The following EYS variants were observed in gnomAD, a reference collection of about 807,000 sequenced individuals.
The protein encoded by EYS is EGF-like photoreceptor maintenance factor, also known as protein eyes shut homolog.
In EYS, 250 loss-of-function variants were observed where a neutral mutation model predicts 282.1. The ratio of observed to expected loss-of-function variants is 0.89; its 90% CI spans 0.80 to 0.98. The LOEUF is 0.98. Among genes scored for constraint, EYS ranks in the 50% least tolerant of loss-of-function variants. The pLI is 0.00. For synonymous variants in EYS, 1,355 were observed against 1,282.9 expected (o/e 1.06, Z -1.20); for missense variants, 4,016 against 3,709.0 (o/e 1.08, Z -2.15).
At chr6:64,834,045 A>G (rs1393543318) in intron 19 of EYS, among the ~76,000 whole-genome samples, 1 of 151,890 alleles carries the variant, frequency 6.6e-6, no homozygotes, top group Non-Finnish European at 1.5e-5. Flanking sequence ...AGGCACAGAC[A>G]CATTCTGACA....
chr6:64,397,939 A>G (rs1773429222), intron 28 of EYS, among the ~76,000 whole-genome samples: 1 of 151,922 alleles, frequency 6.6e-6, no homozygotes, highest in Admixed American at 6.6e-5. Flanking sequence ...ATATTTTCTA[A>G]TTTCCTTTGT....
intron 35 of EYS, among the ~76,000 whole-genome samples, chr6:63,981,784 T>A (rs1352791103): frequency 1.3e-5 from 2 of 151,842 alleles, no homozygotes; most frequent in East Asian, 3.9e-4. Flanking sequence ...CATTTTTTTG[T>A]GGGAAAATTT....
intron 22 of EYS, among the ~76,000 whole-genome samples, chr6:64,798,207 A>G (rs1032369381): frequency 1.3e-5 from 2 of 151,944 alleles, no homozygotes; most frequent in Non-Finnish European, 2.9e-5. Context: ...CAATTACACT[A>G]TTAATTTTAC....
intron 26 of EYS, among the ~76,000 whole-genome samples, chr6:64,469,855 T>C (rs1016332710): frequency 6.6e-6 from 1 of 152,152 alleles, no homozygotes; most frequent in Non-Finnish European, 1.5e-5. Context: ...CTAGTCCGCC[T>C]TCACGTTCCA....
intron 8 of EYS, among the ~76,000 whole-genome samples, chr6:65,367,864 A>G (rs1377675725): frequency 6.6e-6 from 1 of 151,752 alleles, no homozygotes; most frequent in Non-Finnish European, 1.5e-5. Flanking sequence ...TTTACATATC[A>G]TGCATGTAAA....
intron 12 of EYS, among the ~76,000 whole-genome samples, chr6:65,285,257 A>G (rs2150278669): frequency 6.6e-6 from 1 of 152,152 alleles, no homozygotes; most frequent in Middle Eastern, 3.4e-3. Context: ...TGTATTTTGC[A>G]GCTATTTTAC....
At chr6:64,936,290 A>T (rs979919074) in intron 15 of EYS, among the ~76,000 whole-genome samples, 4 of 151,578 alleles carry the variant, frequency 2.6e-5, no homozygotes, top group African/African-American at 9.7e-5. Flanking sequence ...AACAGGAGGG[A>T]ATGTCCAAAA....
chr6:64,400,794 A>G (rs1173838633), intron 28 of EYS, among the ~76,000 whole-genome samples: 1 of 152,028 alleles, frequency 6.6e-6, no homozygotes, highest in African/African-American at 2.4e-5. Context: ...TCTTTTTTGC[A>G]TAATTGTATG....
chr6:65,370,476 A>G (rs1765101075), intron 8 of EYS, among the ~76,000 whole-genome samples: 1 of 150,242 alleles, frequency 6.7e-6, no homozygotes, highest in Non-Finnish European at 1.5e-5. Context: ...GCTGGTCTCG[A>G]ACTCCTGGCC....
At chr6:64,546,677 A>G (rs529035313) in intron 26 of EYS, among the ~76,000 whole-genome samples, 11 of 152,196 alleles carry the variant, frequency 7.2e-5, no homozygotes, top group Non-Finnish European at 1.5e-4. Context: ...ATTTACAACA[A>G]AAAAACAAAC....
intron 5 of EYS, among the ~76,000 whole-genome samples, chr6:65,413,419 T>C (rs575456215): frequency 1.3e-5 from 2 of 152,216 alleles, no homozygotes; most frequent in African/African-American, 4.8e-5. Flanking sequence ...CATTTACTAG[T>C]AATAAATGAT....
chr6:65,641,548 G>A (rs1327546600), intron 1 of EYS, among the ~76,000 whole-genome samples: 1 of 152,158 alleles, frequency 6.6e-6, no homozygotes, highest in Non-Finnish European at 1.5e-5. Context: ...CCAGTGTCTT[G>A]TGTAGTTGTC....
chr6:64,353,492 G>T (rs1771716744), intron 29 of EYS, among the ~76,000 whole-genome samples: 1 of 151,522 alleles, frequency 6.6e-6, no homozygotes, highest in African/African-American at 2.4e-5. Flanking sequence ...AAGCAGACCT[G>T]GTGTAATTTC....
intron 31 of EYS, among the ~76,000 whole-genome samples, chr6:64,160,771 C>T (rs1775080496): frequency 6.6e-6 from 1 of 152,160 alleles, no homozygotes; most frequent in Non-Finnish European, 1.5e-5. Flanking sequence ...GTGTGTGCAC[C>T]TGCCAAATAC....
intron 29 of EYS, among the ~76,000 whole-genome samples, chr6:64,326,174 G>T (rs1193401163): frequency 1.5e-5 from 2 of 131,508 alleles, no homozygotes; most frequent in Admixed American, 1.5e-4. Context: ...AAAACTTAAA[G>T]TTTCTGCAAA....
intron 29 of EYS, among the ~76,000 whole-genome samples, chr6:64,321,039 T>C (rs971941709): frequency 1.3e-5 from 2 of 151,824 alleles, no homozygotes; most frequent in Non-Finnish European, 3.0e-5. Flanking sequence ...TACTATTTCA[T>C]AAATTTATTC....
chr6:64,642,443 A>G (rs1768189954), intron 22 of EYS, among the ~76,000 whole-genome samples: 1 of 152,148 alleles, frequency 6.6e-6, no homozygotes, highest in Non-Finnish European at 1.5e-5. Context: ...CTATACTTAC[A>G]ATCGATATAT....
chr6:64,143,697 C>A (rs1297740983), intron 31 of EYS, among the ~76,000 whole-genome samples: 1 of 152,308 alleles, frequency 6.6e-6, no homozygotes, highest in Non-Finnish European at 1.5e-5. Context: ...GCTTATCAGC[C>A]AGATGTGTCA....
At chr6:64,228,819 T>A (rs1766329336) in intron 31 of EYS, among the ~76,000 whole-genome samples, 1 of 152,124 alleles carries the variant, frequency 6.6e-6, no homozygotes, top group Admixed American at 6.6e-5. Flanking sequence ...ATTGTTTTTT[T>A]CTGGAAGAAA....
Sources: gnomAD v4.1 joint callset for allele counts (sites outside exome capture counted in the v4.1 genomes callset) on GRCh38, gnomAD v4.1.1 for gene constraint, MANE v1.5 for transcripts, NCBI Gene and HGNC (gene_info 2026-07-23, HGNC 2026-07-21) for gene names.